The following ZFPM2 variants were observed in gnomAD, a reference collection of about 807,000 sequenced individuals.
ZFPM2 encodes zinc finger protein, FOG family member 2, also known as zinc finger protein ZFPM2.
In ZFPM2, 20 loss-of-function variants were observed where a neutral mutation model predicts 98.6. The ratio of observed to expected loss-of-function variants is 0.20; its 90% CI spans 0.14 to 0.29. The LOEUF is 0.29. Ranked by LOEUF, ZFPM2 falls within the 10% of genes least tolerant of loss-of-function variation. The pLI, the probability that ZFPM2 is intolerant of heterozygous loss-of-function variation, is 1.00. For missense variants in ZFPM2, 1,310 were observed against 1,388.6 expected, an observed-to-expected ratio of 0.94 and a Z score of 0.90; for synonymous variants, 518 against 502.7, an observed-to-expected ratio of 1.03 and a Z score of -0.41.
At chr8:105,330,599 T>TATATATACAC (rs1554595009) in intron 1 of ZFPM2, among the ~76,000 whole-genome samples, 16 of 39,916 alleles carry the variant, frequency 4.0e-4, no homozygotes, top group East Asian at 1.2e-3. Flanking sequence ...TATATACATA[T>TATATATACAC]ATATATATAT....
rs1280922164 is a variant in ZFPM2 at position 105,412,661 on chromosome 8, G to T, written c.41-6483G>T. On this transcript the variant is annotated intron_variant, in intron 1 of 7. Transcript: ENST00000407775. The stretch of plus-strand genomic sequence containing the variant: ...AAGTGAGTGACTGCAGGAAGAACTT[G>T]CTCATTTAAAATAGTATTTTTTTTT... Among the ~76,000 whole-genome samples, 3 of 151,470 alleles carry T rather than the reference G, an allele frequency of 2.0e-5. No individual in the cohort carries two copies. The Admixed American group carries it at 2.0e-4, about 10-fold the overall frequency.
intron 3 of ZFPM2, among the ~76,000 whole-genome samples, chr8:105,458,632 T>A (rs1051017162): frequency 6.6e-6 from 1 of 152,174 alleles, no homozygotes; most frequent in African/African-American, 2.4e-5. Context: ...TATCTGAAAT[T>A]GACAGTGCAT....
At chr8:105,718,608 A>G (rs2130990968) in intron 5 of ZFPM2, among the ~76,000 whole-genome samples, 1 of 152,120 alleles carries the variant, frequency 6.6e-6, no homozygotes, top group East Asian at 1.9e-4. Flanking sequence ...TAATTCCTTT[A>G]GAGAAAATTA....
In ZFPM2 at chr8:105,318,991, C is replaced by A; in HGVS notation, c.40+10C>A. The A allele has an allele frequency of 3.4e-6, 5 of 1,490,474 alleles. No individual in the cohort carries two copies. The highest frequency in any genetic ancestry group is 3.6e-6 in the Non-Finnish European group (4 of 1,112,184). 92.3% of individuals were successfully genotyped at this position (1,490,474 alleles called of 1,614,324 possible). On this transcript the variant is annotated intron_variant, in intron 1 of 7. Transcript: ENST00000407775. ...CCCCGGCAGATCAAACGTAAGTTTGCGCGCGGGGCCGGGAGTTGGTGGGAT... is the reference window on the plus strand; with the variant it reads ...CCCCGGCAGATCAAACGTAAGTTTGAGCGCGGGGCCGGGAGTTGGTGGGAT...
intron 1 of ZFPM2, among the ~76,000 whole-genome samples, chr8:105,319,287 C>A (rs1038318367): frequency 5.9e-5 from 9 of 152,292 alleles, no homozygotes; most frequent in African/African-American, 2.2e-4. Context: ...CCGGCGCTGT[C>A]GTCCAGCCGG....
intron 4 of ZFPM2, 35 bp from the exon 5 acceptor site, chr8:105,634,211 C>A (rs769262634): frequency 6.6e-7 from 1 of 1,521,736 alleles, no homozygotes. Flanking sequence ...TCAACGGAAG[C>A]AAATGGCATC....
chr8:105,619,127 G>T (rs1197639456), intron 4 of ZFPM2, among the ~76,000 whole-genome samples: 1 of 151,992 alleles, frequency 6.6e-6, no homozygotes, highest in Non-Finnish European at 1.5e-5. Flanking sequence ...ATTTTAAATT[G>T]GAGACGGCCT....
intron 4 of ZFPM2, among the ~76,000 whole-genome samples, chr8:105,593,063 C>T (rs949975755): frequency 4.9e-4 from 75 of 152,174 alleles, no homozygotes; most frequent in African/African-American, 1.7e-3. Context: ...GATTTTCAGC[C>T]ACTGGAGCAA....
chr8:105,511,415 T>A (rs891326209), intron 3 of ZFPM2, among the ~76,000 whole-genome samples: 1 of 152,220 alleles, frequency 6.6e-6, no homozygotes, highest in African/African-American at 2.4e-5. Context: ...TTCCTGTTGT[T>A]GTAGTTGGGA....
chr8:105,557,093 A>T (rs1203716680), intron 3 of ZFPM2, among the ~76,000 whole-genome samples: 1 of 151,932 alleles, frequency 6.6e-6, no homozygotes, highest in Non-Finnish European at 1.5e-5. Flanking sequence ...CAAATTCTCA[A>T]TCAACCCCTT....
At chr8:105,527,638 A>C (rs1814203680) in intron 3 of ZFPM2, among the ~76,000 whole-genome samples, 1 of 152,128 alleles carries the variant, frequency 6.6e-6, no homozygotes, top group African/African-American at 2.4e-5. Flanking sequence ...AGGCTTGTAA[A>C]ACTGGGATTT....
At chr8:105,440,072 A>T (rs1812205071) in intron 2 of ZFPM2, among the ~76,000 whole-genome samples, 1 of 152,216 alleles carries the variant, frequency 6.6e-6, no homozygotes, top group East Asian at 1.9e-4. Context: ...AAAAGTTCTC[A>T]AGTTTCTTAT....
intron 1 of ZFPM2, among the ~76,000 whole-genome samples, chr8:105,394,144 C>T (rs764670069): frequency 4.1e-4 from 63 of 152,058 alleles, no homozygotes; most frequent in Non-Finnish European, 7.8e-4. Context: ...TCGCCCGCCT[C>T]GGCCTCCCAA....
intron 3 of ZFPM2, among the ~76,000 whole-genome samples, chr8:105,506,662 C>T (rs547142449): frequency 8.5e-5 from 13 of 152,140 alleles, no homozygotes; most frequent in African/African-American, 2.6e-4. Context: ...ACTTATTTTT[C>T]AGTAAGTATC....
At chr8:105,614,205 A>G (rs944117094) in intron 4 of ZFPM2, among the ~76,000 whole-genome samples, 3 of 152,174 alleles carry the variant, frequency 2.0e-5, no homozygotes, top group African/African-American at 7.2e-5. Context: ...GAAGTGCAAG[A>G]TGTTAATTAT....
intron 5 of ZFPM2, among the ~76,000 whole-genome samples, chr8:105,726,774 G>A (rs1811817254): frequency 6.6e-6 from 1 of 151,748 alleles, no homozygotes; most frequent in Non-Finnish European, 1.5e-5. Flanking sequence ...CCTGCCTGTT[G>A]TGGGCTACTG....
intron 5 of ZFPM2, among the ~76,000 whole-genome samples, chr8:105,660,587 G>A (rs749039496): frequency 6.6e-5 from 10 of 152,130 alleles, no homozygotes; most frequent in South Asian, 6.2e-4. Context: ...ATAAATGTGC[G>A]TATATGAATA....
chr8:105,775,949 G>A (rs535750062), intron 5 of ZFPM2, among the ~76,000 whole-genome samples: 1 of 152,022 alleles, frequency 6.6e-6, no homozygotes, highest in Non-Finnish European at 1.5e-5. Flanking sequence ...TTATATTCAC[G>A]GGACAAAACT....
At chr8:105,622,111 A>C (rs1816563814) in intron 4 of ZFPM2, among the ~76,000 whole-genome samples, 1 of 152,040 alleles carries the variant, frequency 6.6e-6, no homozygotes, top group Non-Finnish European at 1.5e-5. Flanking sequence ...TCTAGAAAAA[A>C]AACAAAAAGA....
Sources: gnomAD v4.1 joint callset for allele counts (sites outside exome capture counted in the v4.1 genomes callset) on GRCh38, gnomAD v4.1.1 for gene constraint, MANE v1.5 for transcripts, NCBI Gene and HGNC (gene_info 2026-07-23, HGNC 2026-07-21) for gene names.